Variants in THSD7A observed in about 807,000 individuals in gnomAD.
THSD7A encodes thrombospondin type-1 domain-containing protein 7A.
In THSD7A, 96 loss-of-function variants were observed where a neutral mutation model predicts 231.3. That is an observed-to-expected ratio of 0.41 (90% CI 0.35 to 0.49). The LOEUF (loss-of-function observed/expected upper bound fraction) is 0.49. Among genes scored for constraint, THSD7A ranks in the 20% least tolerant of loss-of-function variants. The probability of loss-of-function intolerance (pLI) is 0.05; values close to 1 mark genes in which losing one functional copy is unlikely to be tolerated. For synonymous variants in THSD7A, 940 were observed against 743.3 expected (o/e 1.26, Z -4.30); for missense variants, 2,290 against 2,070.2 (o/e 1.11, Z -2.06).
At chr7:11,812,346 C>A (rs1230258842) in intron 1 of THSD7A, among the ~76,000 whole-genome samples, 1 of 152,010 alleles carries the variant, frequency 6.6e-6, no homozygotes, top group Non-Finnish European at 1.5e-5. Context: ...TATACTGAAA[C>A]TGAATATTTA....
At position 11,411,967 on chromosome 7, in the gene THSD7A, T is replaced by G. The variant is rs1783802320; in HGVS notation, c.3683-645A>C. Among the ~76,000 whole-genome samples, 1 of 152,020 alleles carries G rather than the reference T, an allele frequency of 6.6e-6. No individual in the cohort carries two copies. Among genetic ancestry groups the G allele is most frequent in the Non-Finnish European group, 1.5e-5 (1 of 68,000 alleles). On this transcript the variant is annotated intron_variant, in intron 18 of 27. Transcript: ENST00000423059. This position sits in a 1 kb window ranked among gnomAD's most constrained non-coding sequence, Gnocchi z 4.1. ...AAAACCAAAAGAAACAAAGCCAATA[T>G]GACTGTTATGTGTCATTGTACAGTT...
At chr7:11,438,591 ATTAATG>A (rs1334758906) in intron 13 of THSD7A, among the ~76,000 whole-genome samples, 2 of 152,064 alleles carry the variant, frequency 1.3e-5, no homozygotes, top group Non-Finnish European at 2.9e-5. Context: ...ATATTTAAAA[ATTAATG>A]TTAAAGAGAT....
chr7:11,815,022 T>G (rs1322198641), intron 1 of THSD7A, among the ~76,000 whole-genome samples: 1 of 151,940 alleles, frequency 6.6e-6, no homozygotes, highest in Admixed American at 6.6e-5. Flanking sequence ...ACATGGTTGC[T>G]CAGACACTTT....
intron 1 of THSD7A, among the ~76,000 whole-genome samples, chr7:11,641,007 G>A (rs1782058094): frequency 6.6e-6 from 1 of 152,084 alleles, no homozygotes; most frequent in Admixed American, 6.5e-5. Flanking sequence ...TCCCACTACA[G>A]AGGGTGGTTA....
intron 1 of THSD7A, among the ~76,000 whole-genome samples, chr7:11,697,339 C>A (rs1002551070): frequency 6.6e-6 from 1 of 151,320 alleles, no homozygotes; most frequent in Non-Finnish European, 1.5e-5. Flanking sequence ...CATGCCCAGA[C>A]GTCTTCACAA....
intron 1 of THSD7A, among the ~76,000 whole-genome samples, chr7:11,705,350 T>C (rs1259700051): frequency 6.6e-6 from 1 of 151,128 alleles, no homozygotes; most frequent in Non-Finnish European, 1.5e-5. Context: ...ATGCCTATTA[T>C]AAATTGCAAT....
chr7:11,820,550 A>T, intron 1 of THSD7A: 1 of 718,892 alleles, frequency 1.4e-6, no homozygotes, highest in Middle Eastern at 2.6e-4. Flanking sequence ...TTTTTTGAAA[A>T]TCATTGTTAC....
chr7:11,651,871 T>C (rs1782520427), intron 1 of THSD7A, among the ~76,000 whole-genome samples: 1 of 151,982 alleles, frequency 6.6e-6, no homozygotes, highest in African/African-American at 2.4e-5. Flanking sequence ...AAGTTCATCA[T>C]CTGATGACAT....
intron 1 of THSD7A, among the ~76,000 whole-genome samples, chr7:11,723,826 T>C (rs551363124): frequency 8.9e-4 from 135 of 151,950 alleles, no homozygotes; most frequent in Non-Finnish European, 6.6e-4. Flanking sequence ...AGAAGATTGG[T>C]AGAAAATAAA....
At chr7:11,660,454 T>C (rs1014913948) in intron 1 of THSD7A, among the ~76,000 whole-genome samples, 6 of 151,510 alleles carry the variant, frequency 4.0e-5, no homozygotes, top group African/African-American at 1.2e-4. Flanking sequence ...CATGATTTTA[T>C]GTTATGCCAT....
intron 4 of THSD7A, among the ~76,000 whole-genome samples, chr7:11,580,347 G>T (rs1024316099): frequency 6.6e-6 from 1 of 152,070 alleles, no homozygotes; most frequent in African/African-American, 2.4e-5. Flanking sequence ...ATTAAGGACG[G>T]ACCATGGTGT....
At chr7:11,744,066 T>C (rs563469387) in intron 1 of THSD7A, among the ~76,000 whole-genome samples, 25 of 152,034 alleles carry the variant, frequency 1.6e-4, no homozygotes, top group African/African-American at 6.0e-4. Flanking sequence ...TATTTCCTTC[T>C]AGAGATGCCC....
intron 1 of THSD7A, among the ~76,000 whole-genome samples, chr7:11,682,890 C>T (rs985173725): frequency 3.3e-5 from 5 of 151,692 alleles, no homozygotes; most frequent in Admixed American, 6.6e-5. Context: ...AAAAAATCAC[C>T]GAGGCTGCTG....
At chr7:11,556,330 TA>T in intron 4 of THSD7A, among the ~76,000 whole-genome samples, 1 of 114,120 alleles carries the variant, frequency 8.8e-6, no homozygotes, top group East Asian at 2.9e-4. Context: ...CAAGATATAC[TA>T]TATATATATA....
Position 11,563,131 on chromosome 7 carries a change from G to A in THSD7A, c.1454-20014C>T, listed in dbSNP as rs559886427. Among the ~76,000 whole-genome samples the A allele has an allele frequency of 6.6e-5, 10 of 152,154 alleles. No homozygotes were observed. The South Asian group carries it at 2.1e-3, about 32-fold the overall frequency. On this transcript the variant is annotated intron_variant, in intron 4 of 27. Coordinates refer to ENST00000423059, the MANE Select transcript of THSD7A (RefSeq NM_015204.3). Reference sequence around the variant, plus strand: ...GTTCCTGTACTAAACTTGAATCATAGAAGTTTATTTCCTCTTGTCTTTCTC... The same window carrying A: ...GTTCCTGTACTAAACTTGAATCATAAAAGTTTATTTCCTCTTGTCTTTCTC...
At chr7:11,491,289 T>G (rs56061381) in intron 6 of THSD7A, among the ~76,000 whole-genome samples, 12,543 of 152,138 alleles carry the variant, frequency 0.082, 655 homozygotes, top group Non-Finnish European at 0.11. Context: ...TATTTAGAGT[T>G]GGGTTCTAAG....
intron 8 of THSD7A, among the ~76,000 whole-genome samples, chr7:11,473,745 A>G (rs1398111119): frequency 6.6e-6 from 1 of 152,198 alleles, no homozygotes; most frequent in East Asian, 1.9e-4. Context: ...TTATTATAGT[A>G]CTCAAAAGCA....
At chr7:11,765,839 AT>A (rs1185214914) in intron 1 of THSD7A, among the ~76,000 whole-genome samples, 1 of 152,100 alleles carries the variant, frequency 6.6e-6, no homozygotes, top group Non-Finnish European at 1.5e-5. Context: ...AATAAATCCA[AT>A]TTTCCTTAAA....
chr7:11,482,049 G>A, intron 6 of THSD7A, 67 bp from the exon 7 acceptor site: 1 of 1,453,324 alleles, frequency 6.9e-7, no homozygotes, highest in South Asian at 1.4e-5. Flanking sequence ...ATTTAAACCA[G>A]ATGGGCACCC....
Sources: allele counts gnomAD v4.1 joint callset (sites outside exome capture counted in the v4.1 genomes callset), GRCh38; gene constraint gnomAD v4.1.1; non-coding constraint Gnocchi (gnomAD v3.1); transcripts MANE v1.5; gene names NCBI Gene and HGNC (gene_info 2026-07-23, HGNC 2026-07-21).